Variants in RGS6 observed in about 807,000 individuals in gnomAD.
RGS6 encodes the protein regulator of G protein signaling 6, also known as regulator of G-protein signaling 6.
In RGS6, 30 loss-of-function variants were observed where a neutral mutation model predicts 78.5. The ratio of observed to expected loss-of-function variants is 0.38; its 90% CI spans 0.29 to 0.52. RGS6 has a LOEUF of 0.52. RGS6 is among the 20% of genes least tolerant of loss of function. RGS6 has a pLI of 0.85. For missense variants in RGS6, 495 were observed against 609.7 expected (o/e 0.81, Z 1.98); for synonymous variants, 206 against 206.0 (o/e 1.00, Z 0.00).
chr14:72,041,251 G>T (rs987063311), intron 2 of RGS6, among the ~76,000 whole-genome samples: 1 of 152,012 alleles, frequency 6.6e-6, no homozygotes, highest in Non-Finnish European at 1.5e-5. Context: ...TTACCAGTCA[G>T]CCTGGCTAGA....
the RGS6 span, among the ~76,000 whole-genome samples, chr14:71,921,133 C>A: frequency 6.6e-6 from 1 of 152,098 alleles, no homozygotes; most frequent in Non-Finnish European, 1.5e-5. Context: ...CAGAGAAATG[C>A]AAACCAAAAC....
chr14:71,983,397 A>G (rs1464644126), intron 2 of RGS6, among the ~76,000 whole-genome samples: 1 of 152,236 alleles, frequency 6.6e-6, no homozygotes, highest in Non-Finnish European at 1.5e-5. Flanking sequence ...ACTTTTGAAC[A>G]TTTCTGTATT....
chr14:72,205,022 T>A (rs2042392853), intron 2 of RGS6, among the ~76,000 whole-genome samples: 1 of 152,192 alleles, frequency 6.6e-6, no homozygotes. Flanking sequence ...CATCTTTAGA[T>A]CTCTGACAGC....
intron 3 of RGS6, among the ~76,000 whole-genome samples, chr14:72,392,478 CA>C: frequency 6.6e-6 from 1 of 152,226 alleles, no homozygotes; most frequent in Admixed American, 6.5e-5. Flanking sequence ...CTCCCATCAT[CA>C]CAGACATACA....
At chr14:72,015,679 T>C (rs1322914210) in intron 2 of RGS6, among the ~76,000 whole-genome samples, 4 of 152,236 alleles carry the variant, frequency 2.6e-5, no homozygotes, top group Non-Finnish European at 5.9e-5. Context: ...ACCAAATTGC[T>C]CTCCAAAGCA....
chr14:72,544,158 G>C (rs1256297834), intron 17 of RGS6, among the ~76,000 whole-genome samples: 1 of 152,204 alleles, frequency 6.6e-6, no homozygotes, highest in Non-Finnish European at 1.5e-5. Context: ...GAGGGAGAGG[G>C]GGCAAGAGGA....
intron 2 of RGS6, among the ~76,000 whole-genome samples, chr14:72,176,825 G>A (rs1236252538): frequency 2.0e-5 from 3 of 152,076 alleles, no homozygotes; most frequent in Admixed American, 6.6e-5. Flanking sequence ...GCACACACAC[G>A]CTCGCCCATG....
intron 12 of RGS6, among the ~76,000 whole-genome samples, chr14:72,489,156 G>GCCCCCCCCCC (rs35147203): frequency 7.0e-6 from 1 of 142,000 alleles, no homozygotes. Context: ...GACAAAGGGG[G>GCCCCCCCCCC]CCCCCCCACC....
chr14:71,935,068 C>T (rs1254745329), intron 1 of RGS6, among the ~76,000 whole-genome samples: 1 of 152,116 alleles, frequency 6.6e-6, no homozygotes, highest in East Asian at 1.9e-4. Context: ...CAGTTTCCAG[C>T]TGGAAGGAAT....
At chr14:71,934,036 A>G (rs1464831051) in intron 1 of RGS6, among the ~76,000 whole-genome samples, 1 of 152,196 alleles carries the variant, frequency 6.6e-6, no homozygotes. Flanking sequence ...AGGTAATTAC[A>G]TAGAGTGGGA....
chr14:72,552,745 T>G (rs950409265), intron 17 of RGS6: 4 of 152,234 alleles, frequency 2.6e-5, no homozygotes, highest in African/African-American at 9.7e-5. Flanking sequence ...TTGAAATTCC[T>G]TGATAAACCG....
the RGS6 span, among the ~76,000 whole-genome samples, chr14:72,597,887 G>C: frequency 6.6e-6 from 1 of 152,182 alleles, no homozygotes; most frequent in Non-Finnish European, 1.5e-5. Flanking sequence ...AAGAGAGATG[G>C]AGGGAGCCGG....
the RGS6 span, among the ~76,000 whole-genome samples, chr14:71,875,312 C>A: frequency 6.6e-6 from 1 of 152,154 alleles, no homozygotes; most frequent in Admixed American, 6.5e-5. Context: ...ATTATTGCCT[C>A]AATTTCAGAT....
At chr14:72,247,719 AT>A (rs2153834575) in intron 2 of RGS6, among the ~76,000 whole-genome samples, 1 of 152,338 alleles carries the variant, frequency 6.6e-6, no homozygotes, top group African/African-American at 2.4e-5. Context: ...GATTAATGCC[AT>A]TATCTTGGGA....
At chr14:72,285,588 C>G (rs77053872) in intron 2 of RGS6, among the ~76,000 whole-genome samples, 2,066 of 152,282 alleles carry the variant, frequency 0.014, 35 homozygotes, top group African/African-American at 0.046. Context: ...AATCCAATCT[C>G]CATACTGCTT....
chr14:72,113,728 C>T (rs750460023), intron 2 of RGS6, among the ~76,000 whole-genome samples: 7 of 152,112 alleles, frequency 4.6e-5, no homozygotes, highest in Admixed American at 2.0e-4. Flanking sequence ...TCTCCTTGGA[C>T]GGGGGATAGA....
At chr14:72,267,714 C>A (rs1480427918) in intron 2 of RGS6, among the ~76,000 whole-genome samples, 1 of 152,184 alleles carries the variant, frequency 6.6e-6, no homozygotes, top group East Asian at 1.9e-4. Flanking sequence ...TAAAAGCCAG[C>A]AGAGAAACTA....
intron 2 of RGS6, among the ~76,000 whole-genome samples, chr14:72,112,205 C>A (rs561221413): frequency 2.0e-5 from 3 of 152,324 alleles, no homozygotes; most frequent in Non-Finnish European, 4.4e-5. Flanking sequence ...AGCAGCAGCA[C>A]CTCACCCTCT....
chr14:72,356,270 G>C (rs1326367128), intron 3 of RGS6, among the ~76,000 whole-genome samples: 2 of 152,070 alleles, frequency 1.3e-5, no homozygotes, highest in African/African-American at 4.8e-5. Context: ...TAGCGAGTGA[G>C]TTCTCACAAG....
Sources: allele counts gnomAD v4.1 joint callset (sites outside exome capture counted in the v4.1 genomes callset), GRCh38; gene constraint gnomAD v4.1.1; transcripts MANE v1.5; gene names NCBI Gene and HGNC (gene_info 2026-07-23, HGNC 2026-07-21).